CAMK4: variants seen among roughly 807,000 people sequenced by gnomAD.
CAMK4 encodes calcium/calmodulin-dependent protein kinase type IV.
In CAMK4, 22 loss-of-function variants were observed where a neutral mutation model predicts 44.9. The ratio of observed to expected loss-of-function variants is 0.49; its 90% CI spans 0.35 to 0.70. The LOEUF (loss-of-function observed/expected upper bound fraction) is 0.70. Among genes scored for constraint, CAMK4 ranks in the 30% least tolerant of loss-of-function variants. The pLI is 0.01. For missense variants in CAMK4, 498 were observed against 586.8 expected (o/e 0.85, Z 1.56); for synonymous variants, 218 against 215.4 (o/e 1.01, Z -0.11).
chr5:111,392,252 A>C (rs886729409), intron 4 of CAMK4, among the ~76,000 whole-genome samples: 14 of 152,130 alleles, frequency 9.2e-5, no homozygotes, highest in Admixed American at 7.2e-4. Context: ...ATCATGACGG[A>C]AGGTGAAGGG....
intron 2 of CAMK4, among the ~76,000 whole-genome samples, chr5:111,360,898 T>G (rs1046020684): frequency 6.6e-6 from 1 of 152,092 alleles, no homozygotes; most frequent in Non-Finnish European, 1.5e-5. Flanking sequence ...CTCAAATCAT[T>G]AAGATCTCTA....
chr5:111,408,926 G>T (rs1266788324), intron 5 of CAMK4, among the ~76,000 whole-genome samples: 3 of 152,192 alleles, frequency 2.0e-5, no homozygotes, highest in Non-Finnish European at 2.9e-5. Context: ...TCATGCTGAT[G>T]CAAGCAGTGG....
chr5:111,275,583 G>A (rs1214165424), intron 1 of CAMK4, among the ~76,000 whole-genome samples: 1 of 151,960 alleles, frequency 6.6e-6, no homozygotes, highest in Admixed American at 6.6e-5. Context: ...ACTTGAAAAT[G>A]TCTTTATTTT....
intron 1 of CAMK4, among the ~76,000 whole-genome samples, chr5:111,226,725 G>A (rs541625383): frequency 2.0e-5 from 3 of 152,192 alleles, no homozygotes; most frequent in Non-Finnish European, 2.9e-5. Context: ...CTAGAGTTCC[G>A]GTTGTTTACC....
At chr5:111,439,924 G>C (rs1166471297) in intron 5 of CAMK4, among the ~76,000 whole-genome samples, 1 of 152,144 alleles carries the variant, frequency 6.6e-6, no homozygotes. Context: ...AGAAAAATGA[G>C]TCAGAACAGG....
chr5:111,442,764 A>C (rs201355483), intron 5 of CAMK4, among the ~76,000 whole-genome samples: 1 of 148,374 alleles, frequency 6.7e-6, no homozygotes, highest in East Asian at 1.9e-4. Flanking sequence ...CAAATTTTAA[A>C]ATATAAATAT....
chr5:111,233,835 A>G (rs879707930), intron 1 of CAMK4, among the ~76,000 whole-genome samples: 1 of 152,180 alleles, frequency 6.6e-6, no homozygotes, highest in Admixed American at 6.5e-5. Context: ...CCTTTTTTAT[A>G]TATTGAATAG....
chr5:111,437,962 T>C (rs1217829195), intron 5 of CAMK4, among the ~76,000 whole-genome samples: 1 of 151,980 alleles, frequency 6.6e-6, no homozygotes, highest in African/African-American at 2.4e-5. Context: ...TCAAAGCAAG[T>C]ATTAAAGGGG....
At position 111,451,605 on chromosome 5, in the gene CAMK4, C is replaced by T. The variant is rs912531897; in HGVS notation, c.625+2402C>T. 4.6e-5 allele frequency among the ~76,000 whole-genome samples: 7 copies of T among 151,872 alleles called. No individual in the cohort carries two copies. The East Asian group carries it at 1.2e-3, about 25-fold the overall frequency. ...GTCCAGCTCATTTTAATTTTTTATA[C>T]CTCAAAAGTATTACTTGGCCAGGTG... On this transcript the variant is annotated intron_variant, in intron 7 of 10. Coordinates refer to ENST00000282356, the MANE Select transcript of CAMK4 (RefSeq NM_001744.6).
chr5:111,310,030 A>G (rs1042364894), intron 1 of CAMK4, among the ~76,000 whole-genome samples: 2 of 152,122 alleles, frequency 1.3e-5, no homozygotes, highest in African/African-American at 4.8e-5. Flanking sequence ...CTTTTCTACA[A>G]CCTGAGGAGA....
intron 1 of CAMK4, among the ~76,000 whole-genome samples, chr5:111,295,218 C>G (rs936036755): frequency 3.9e-5 from 6 of 152,112 alleles, no homozygotes; most frequent in African/African-American, 1.4e-4. Flanking sequence ...AGCATATCTG[C>G]AGAGGAATAA....
chr5:111,390,870 A>C (rs1295746004), intron 4 of CAMK4, among the ~76,000 whole-genome samples: 1 of 152,214 alleles, frequency 6.6e-6, no homozygotes, highest in Non-Finnish European at 1.5e-5. Context: ...AGGAAGAGCC[A>C]TGTGGAATGA....
intron 1 of CAMK4, among the ~76,000 whole-genome samples, chr5:111,284,992 A>G (rs1203583451): frequency 6.6e-6 from 1 of 152,348 alleles, no homozygotes; most frequent in East Asian, 1.9e-4. Flanking sequence ...TATGCTACAC[A>G]TCCTGGAAAT....
intron 1 of CAMK4, among the ~76,000 whole-genome samples, chr5:111,254,946 G>T (rs766354145): frequency 5.3e-5 from 8 of 151,988 alleles, no homozygotes; most frequent in Non-Finnish European, 1.2e-4. Flanking sequence ...ATGCTGGGGG[G>T]AAATGTGAAG....
chr5:111,237,713 T>A (rs1748792154), intron 1 of CAMK4, among the ~76,000 whole-genome samples: 1 of 152,226 alleles, frequency 6.6e-6, no homozygotes, highest in African/African-American at 2.4e-5. Context: ...ACTTATGACC[T>A]ATTTGTGGCT....
chr5:111,440,911 A>G (rs982857514), intron 5 of CAMK4, among the ~76,000 whole-genome samples: 4 of 152,224 alleles, frequency 2.6e-5, no homozygotes, highest in African/African-American at 9.6e-5. Flanking sequence ...GAGTCCGAAT[A>G]GCTACCATTT....
chr5:111,413,386 G>A (rs1352828142), intron 5 of CAMK4, among the ~76,000 whole-genome samples: 2 of 152,002 alleles, frequency 1.3e-5, no homozygotes, highest in East Asian at 3.9e-4. Context: ...AGACCAGCCT[G>A]GCCAATATGG....
chr5:111,427,483 G>A (rs1410785449), intron 5 of CAMK4, among the ~76,000 whole-genome samples: 1 of 152,150 alleles, frequency 6.6e-6, no homozygotes, highest in Non-Finnish European at 1.5e-5. Context: ...ATCTTGGGTG[G>A]CAATTTTGGA....
chr5:111,281,981 C>T (rs1751037734), intron 1 of CAMK4, among the ~76,000 whole-genome samples: 1 of 151,736 alleles, frequency 6.6e-6, no homozygotes, highest in Non-Finnish European at 1.5e-5. Flanking sequence ...TGGCGTGAAC[C>T]CCAGGGGGCG....
Sources: gnomAD v4.1 joint callset for allele counts (sites outside exome capture counted in the v4.1 genomes callset) on GRCh38, gnomAD v4.1.1 for gene constraint, MANE v1.5 for transcripts, NCBI Gene and HGNC (gene_info 2026-07-23, HGNC 2026-07-21) for gene names.